DLC1: variants seen among roughly 807,000 people sequenced by gnomAD.
The protein encoded by DLC1 is rho GTPase-activating protein 7.
Under a neutral mutation model 140.3 loss-of-function variants are expected in DLC1, and 54 were observed. The ratio of observed to expected loss-of-function variants is 0.38; its 90% CI spans 0.31 to 0.48. The LOEUF (loss-of-function observed/expected upper bound fraction) is 0.48. Among genes scored for constraint, DLC1 ranks in the 20% least tolerant of loss-of-function variants. DLC1 has a pLI of 0.96. For missense variants in DLC1, 2,536 were observed against 1,907.0 expected, an observed-to-expected ratio of 1.33 and a Z score of -6.14; for synonymous variants, 986 against 728.1, an observed-to-expected ratio of 1.35 and a Z score of -5.70.
In DLC1 at chr8:13,531,861, A is replaced by T. The variant is rs572860580; in HGVS notation, c.-125-31665T>A. Among the ~76,000 whole-genome samples, 29 of 152,276 alleles carry T rather than the reference A, an allele frequency of 1.9e-4. No individual in the cohort carries two copies. The South Asian group carries it at 5.6e-3, about 29-fold the overall frequency. Reference sequence around the variant, plus strand: ...ACTTATTTTTGGAAAGGCTTACCATATATTACAAAAGGAAAAAATAAACCC... The same window carrying T: ...ACTTATTTTTGGAAAGGCTTACCATTTATTACAAAAGGAAAAAATAAACCC... On this transcript the variant is annotated intron_variant, in intron 1 of 1. Transcript: ENST00000631382.
At chr8:13,270,109 A>C (rs1830870433) in intron 5 of DLC1, among the ~76,000 whole-genome samples, 1 of 152,112 alleles carries the variant, frequency 6.6e-6, no homozygotes, top group Non-Finnish European at 1.5e-5. Context: ...TGCCAACTAT[A>C]CCTAAATAAT....
intron 2 of DLC1, among the ~76,000 whole-genome samples, chr8:13,477,686 A>G (rs1800498530): frequency 6.6e-6 from 1 of 152,176 alleles, no homozygotes; most frequent in South Asian, 2.1e-4. Flanking sequence ...ACAATTTATC[A>G]TATCACTTCT....
chr8:13,242,524 T>G (rs1403582741), intron 5 of DLC1, among the ~76,000 whole-genome samples: 6 of 152,006 alleles, frequency 3.9e-5, no homozygotes, highest in African/African-American at 1.4e-4. Flanking sequence ...GTTTCCCAAG[T>G]AGTTGGGACT....
rs370661214 is a variant in DLC1 at position 13,499,498 on chromosome 8, C to T, written c.574G>A (p.Glu192Lys). 34 of 1,613,974 alleles carry T rather than the reference C, an allele frequency of 2.1e-5. No individual in the cohort carries two copies. The highest frequency in any genetic ancestry group is 2.8e-5 in the Non-Finnish European group (33 of 1,180,018). ...CTTAAGCTTATTTCATTGCAAAGCT[C>T]CAGGCTTTTACTTATAGAGTCAGTA... is the stretch of plus-strand genomic sequence containing the variant. The part of the protein sequence containing the change: ...KVTDSISKSL[E>K]LCNEISLSEI... Residue 192 changes from glutamate (E) to lysine (K), a missense_variant, in exon 2 of 18, where the codon GAG becomes AAG. By Grantham distance (56) the Glu-to-Lys change is moderately conservative. Coordinates refer to ENST00000276297, the MANE Select transcript of DLC1 (RefSeq NM_182643.3).
At chr8:13,519,700 T>G (rs1240973408), upstream of DLC1, among the ~76,000 whole-genome samples, 2 of 152,178 alleles carry the variant, frequency 1.3e-5, no homozygotes, top group Non-Finnish European at 2.9e-5. Context: ...GGACTACTGA[T>G]GTTCATTATC....
At chr8:13,498,971 C>G (rs1293931794) in intron 2 of DLC1, 78 bp downstream of exon 2, 3 of 1,474,068 alleles carry the variant, frequency 2.0e-6, no homozygotes, top group South Asian at 1.4e-5. Flanking sequence ...TCTTTTTAAT[C>G]CAAGCAAAAT....
intron 1 of DLC1, among the ~76,000 whole-genome samples, chr8:13,545,716 A>G (rs1016411509): frequency 1.3e-5 from 2 of 152,138 alleles, no homozygotes; most frequent in Non-Finnish European, 2.9e-5. Context: ...CACCTGGCTG[A>G]ACCATTTGTG....
chr8:13,565,790 A>G (rs1804408378), intron 1 of DLC1, among the ~76,000 whole-genome samples: 1 of 152,202 alleles, frequency 6.6e-6, no homozygotes, highest in Non-Finnish European at 1.5e-5. Flanking sequence ...AAGAACTATT[A>G]TAACCTAGGA....
In DLC1 at chr8:13,092,618, G is replaced by A; in HGVS notation, c.3734C>T (p.Ser1245Phe). ...CCTCCCATGCAGCCCGTACCTGGGA[G>A]AGGAATTCTCTCTCTTCAGGGTGTT... is the stretch of plus-strand genomic sequence containing the variant. ...HLNTLKRENS[S>F]PRVMQRKQSL... Residue 1245 changes from serine to phenylalanine, a missense_variant, in exon 13 of 18, where the codon TCT becomes TTT. Physicochemically the swap from Ser to Phe is radical, Grantham distance 155 (BLOSUM62 -2). Coordinates refer to ENST00000276297, the MANE Select transcript of DLC1 (RefSeq NM_182643.3). The A allele has an allele frequency of 6.2e-7, 1 of 1,614,112 alleles. No homozygotes were observed. The highest frequency in any genetic ancestry group is 2.2e-5 in the East Asian group (1 of 44,874).
intron 14 of DLC1, among the ~76,000 whole-genome samples, chr8:13,090,977 A>G (rs969321637): frequency 1.3e-5 from 2 of 150,964 alleles, no homozygotes; most frequent in South Asian, 4.2e-4. Context: ...GCTAATTTTT[A>G]AATTTTTTTT....
At chr8:13,429,088 A>G (rs754487337) in intron 2 of DLC1, among the ~76,000 whole-genome samples, 12 of 152,218 alleles carry the variant, frequency 7.9e-5, no homozygotes, top group Non-Finnish European at 1.8e-4. Flanking sequence ...ACAAAACATG[A>G]CCTAGAAATA....
At chr8:13,239,692 T>C (rs536733860) in intron 5 of DLC1, among the ~76,000 whole-genome samples, 6 of 152,164 alleles carry the variant, frequency 3.9e-5, no homozygotes, top group Non-Finnish European at 5.9e-5. Context: ...AATCCTGATA[T>C]GTAATCTCAG....
chr8:13,265,966 C>A (rs913351459), intron 5 of DLC1, among the ~76,000 whole-genome samples: 1 of 151,992 alleles, frequency 6.6e-6, no homozygotes, highest in Non-Finnish European at 1.5e-5. Flanking sequence ...TGCTGTTTAC[C>A]CTCTATGTTT....
At chr8:13,303,205 A>G (rs1044570562) in intron 5 of DLC1, among the ~76,000 whole-genome samples, 7 of 152,172 alleles carry the variant, frequency 4.6e-5, no homozygotes, top group Admixed American at 1.3e-4. Context: ...TCATTCTAAT[A>G]TTTTCATAAA....
intron 1 of DLC1, among the ~76,000 whole-genome samples, chr8:13,573,243 T>A (rs186371943): frequency 0.011 from 1,616 of 152,310 alleles, 32 homozygotes; most frequent in African/African-American, 0.037. Context: ...TAAATTTTTT[T>A]AAAAAATTCT....
chr8:13,604,286 G>A (rs2117510140), intron 1 of DLC1, among the ~76,000 whole-genome samples: 2 of 152,230 alleles, frequency 1.3e-5, no homozygotes, highest in Admixed American at 1.3e-4. Flanking sequence ...ATATTTCCAT[G>A]AGAAAGCATT....
intron 4 of DLC1, among the ~76,000 whole-genome samples, chr8:13,351,368 A>G (rs1563275331): frequency 1.3e-5 from 2 of 152,268 alleles, no homozygotes; most frequent in Non-Finnish European, 2.9e-5. Flanking sequence ...CATGGACTTC[A>G]CACTGGTGAT....
At chr8:13,384,214 C>T (rs67884976) in intron 4 of DLC1, among the ~76,000 whole-genome samples, 19,834 of 152,148 alleles carry the variant, frequency 0.13, 1,468 homozygotes, top group Non-Finnish European at 0.17. Flanking sequence ...TGAGAACTTT[C>T]CTGTTCTTGC....
chr8:13,262,469 A>C (rs1830504984), intron 5 of DLC1, among the ~76,000 whole-genome samples: 1 of 152,222 alleles, frequency 6.6e-6, no homozygotes, highest in African/African-American at 2.4e-5. Flanking sequence ...CAACTTAGTA[A>C]AATGAAAAGA....
Sources: allele counts gnomAD v4.1 joint callset (sites outside exome capture counted in the v4.1 genomes callset), GRCh38; gene constraint gnomAD v4.1.1; transcripts MANE v1.5; gene names NCBI Gene and HGNC (gene_info 2026-07-23, HGNC 2026-07-21).